TUBGCP3: variants seen among roughly 807,000 people sequenced by gnomAD.
TUBGCP3 encodes tubulin gamma complex component 3.
In TUBGCP3, 50 loss-of-function variants were observed where a neutral mutation model predicts 123.1. The ratio of observed to expected loss-of-function variants is 0.41; its 90% CI spans 0.32 to 0.51. TUBGCP3 has a LOEUF of 0.51. TUBGCP3 is among the 20% of genes least tolerant of loss of function. The pLI is 0.36. For synonymous variants in TUBGCP3, 405 were observed against 413.9 expected, an observed-to-expected ratio of 0.98 and a Z score of 0.26; for missense variants, 882 against 1,127.0, an observed-to-expected ratio of 0.78 and a Z score of 3.11.
At chr13:112,557,296 T>G (rs1236383580) in intron 5 of TUBGCP3, among the ~76,000 whole-genome samples, 1 of 152,242 alleles carries the variant, frequency 6.6e-6, no homozygotes, top group Non-Finnish European at 1.5e-5. Context: ...TTTTAAATGC[T>G]TTGCGTTTTC....
At chr13:112,494,064 A>T (rs977384364) in intron 20 of TUBGCP3, among the ~76,000 whole-genome samples, 1 of 149,616 alleles carries the variant, frequency 6.7e-6, no homozygotes, top group Admixed American at 6.6e-5. Context: ...TGTCCCTGAG[A>T]CACTCTAGCT....
intron 13 of TUBGCP3, among the ~76,000 whole-genome samples, chr13:112,523,140 G>A (rs1173315087): frequency 6.6e-6 from 1 of 152,164 alleles, no homozygotes; most frequent in Non-Finnish European, 1.5e-5. Flanking sequence ...CATCTGCAAA[G>A]CACAAAACCA....
the TUBGCP3 span, among the ~76,000 whole-genome samples, chr13:112,601,743 G>T: frequency 3.3e-5 from 5 of 152,044 alleles, no homozygotes; most frequent in African/African-American, 1.2e-4. Context: ...GCCTCTTTCC[G>T]GATTCATCTT....
At chr13:112,593,955 A>C in the TUBGCP3 span, among the ~76,000 whole-genome samples, 1 of 152,230 alleles carries the variant, frequency 6.6e-6, no homozygotes, top group African/African-American at 2.4e-5. Flanking sequence ...CAAATTCCTA[A>C]AGAGACATAA....
chr13:112,498,415 A>AT (rs1171149741), intron 20 of TUBGCP3, among the ~76,000 whole-genome samples: 1 of 152,186 alleles, frequency 6.6e-6, no homozygotes, highest in Non-Finnish European at 1.5e-5. Context: ...AATTTTATAT[A>AT]TTTTTTATAA....
chr13:112,543,855 T>C (rs1005907871), intron 11 of TUBGCP3, among the ~76,000 whole-genome samples: 2 of 151,954 alleles, frequency 1.3e-5, no homozygotes, highest in African/African-American at 4.8e-5. Flanking sequence ...GATTCACTCC[T>C]AAAAAGAAAA....
chr13:112,574,137 T>C (rs1035318074), intron 1 of TUBGCP3, among the ~76,000 whole-genome samples: 3 of 135,836 alleles, frequency 2.2e-5, no homozygotes, highest in African/African-American at 8.6e-5. Context: ...GTGGGCACTC[T>C]GAGCTCACAG....
rs376393787 is a variant in TUBGCP3, at chr13:112,578,537, C to A, written c.77-9278G>T. On this transcript the variant is annotated intron_variant, in intron 1 of 21. Coordinates refer to ENST00000261965, the MANE Select transcript of TUBGCP3 (RefSeq NM_006322.6). Reference sequence around the variant, plus strand: ...TAGCGCCACTGCAGTCCAGCTTGGGCGAAAGAGTGAGACTCCGTCTCAAAA... The same window carrying A: ...TAGCGCCACTGCAGTCCAGCTTGGGAGAAAGAGTGAGACTCCGTCTCAAAA... Among the ~76,000 whole-genome samples, 10 of 104,592 alleles carry A rather than the reference C, an allele frequency of 9.6e-5. 1 individual carries two copies. In the South Asian group the frequency reaches 3.3e-3, roughly 34 times the overall value. The allele number at this position is 104,592 out of a possible 152,430, so 68.6% of individuals were successfully genotyped here.
intron 1 of TUBGCP3, among the ~76,000 whole-genome samples, chr13:112,578,382 A>G (rs1303154916): frequency 2.0e-5 from 3 of 149,700 alleles, no homozygotes; most frequent in Non-Finnish European, 1.5e-5. Flanking sequence ...ACACGGTGAA[A>G]CCCCGTCTCT....
At chr13:112,542,265 G>T (rs1272619405) in intron 11 of TUBGCP3, among the ~76,000 whole-genome samples, 1 of 152,156 alleles carries the variant, frequency 6.6e-6, no homozygotes, top group African/African-American at 2.4e-5. Flanking sequence ...TTGGCTTATT[G>T]TGATAATGGT....
chr13:112,559,363 A>G lies in TUBGCP3; in HGVS notation c.289T>C (p.Leu97=). ...CGTGGGTCCTCACTGAGGCTCAGCA[A>G]GAGGTAGAGTATTGACCATTTATTT... is the stretch of plus-strand genomic sequence containing the variant. ...LKNKWSILYL[L]LSLSEDPRRQ... is the part of the protein sequence containing the mutation. The change falls in exon 4 of 22, where the codon TTG becomes CTG. Residue 97 remains leucine, a synonymous_variant. Transcript: ENST00000261965. 5.0e-6 allele frequency: 8 copies of G among 1,611,580 alleles called. No homozygotes were observed. The highest frequency in any genetic ancestry group is 2.5e-6 in the Non-Finnish European group (3 of 1,178,786).
chr13:112,527,041 T>C lies in TUBGCP3; in HGVS notation c.1456A>G (p.Ile486Val), dbSNP rs1209659823. 6.2e-7 allele frequency: 1 copy of C among 1,611,404 alleles called. No individual in the cohort carries two copies. The change falls in exon 13 of 22, where the codon ATA becomes GTA. Residue 486 changes from isoleucine to valine, a missense_variant. This residue lies in a region of TUBGCP3 where 713 missense variants were observed against 874.0 expected (regional missense o/e 0.82). Coordinates refer to ENST00000261965, the MANE Select transcript of TUBGCP3 (RefSeq NM_006322.6). ...TMDQSRKVLL[I>V]GKSINFLHQV... ...TGCAAGAAATTTATTGATTTTCCTA[T>C]CAAAAGGACCTAAAAAGAAAAACAT...
At chr13:112,601,689 G>A in the TUBGCP3 span, among the ~76,000 whole-genome samples, 1 of 152,208 alleles carries the variant, frequency 6.6e-6, no homozygotes, top group Admixed American at 6.5e-5. Context: ...CATGTGAGGT[G>A]AGCTCCGTGT....
intron 11 of TUBGCP3, among the ~76,000 whole-genome samples, chr13:112,527,936 TCA>T (rs942109181): frequency 1.8e-4 from 27 of 152,322 alleles, no homozygotes; most frequent in Non-Finnish European, 2.2e-4. Flanking sequence ...CGTCCTCTGT[TCA>T]CAGACAAGTC....
intron 20 of TUBGCP3, among the ~76,000 whole-genome samples, chr13:112,492,154 T>C (rs1055813099): frequency 1.3e-5 from 2 of 152,252 alleles, no homozygotes; most frequent in African/African-American, 2.4e-5. Flanking sequence ...ATAATAATTA[T>C]TGTCCTCCTT....
At chr13:112,558,842 T>G in intron 4 of TUBGCP3, among the ~76,000 whole-genome samples, 1 of 152,206 alleles carries the variant, frequency 6.6e-6, no homozygotes, top group East Asian at 1.9e-4. Flanking sequence ...CTCCCACGTC[T>G]CTGGTGAGTA....
rs1880316913 is a variant in TUBGCP3 at position 112,559,412 on chromosome 13, A to G, written c.253-13T>C. 6.3e-7 allele frequency: 1 copy of G among 1,589,574 alleles called. No homozygotes were observed. The highest frequency in any genetic ancestry group is 8.6e-7 in the Non-Finnish European group (1 of 1,162,684). ...TTTTCAAAACTCCCTGTTTGGAAAAAAGTTAATATTAAAAGAACGATTTTA... is the reference window on the plus strand; with the variant it reads ...TTTTCAAAACTCCCTGTTTGGAAAAGAGTTAATATTAAAAGAACGATTTTA... On this transcript the variant is annotated splice_polypyrimidine_tract_variant and intron_variant, in intron 3 of 21. Transcript: ENST00000261965.
At chr13:112,504,898 T>C (rs1003876908) in intron 17 of TUBGCP3, among the ~76,000 whole-genome samples, 184 bp from the exon 18 acceptor site, 1 of 152,128 alleles carries the variant, frequency 6.6e-6, no homozygotes, top group Non-Finnish European at 1.5e-5. Flanking sequence ...AACAAGAACT[T>C]AGCTATCTAA....
At chr13:112,492,595 A>G (rs1566527479) in intron 20 of TUBGCP3, among the ~76,000 whole-genome samples, 3 of 151,388 alleles carry the variant, frequency 2.0e-5, no homozygotes, top group South Asian at 2.1e-4. Context: ...CACCCTGGCT[A>G]TGGGAACGGG....
Sources: gnomAD v4.1 joint callset for allele counts (sites outside exome capture counted in the v4.1 genomes callset) on GRCh38, gnomAD v4.1.1 for gene constraint, gnomAD v4.1.1 regional missense constraint, MANE v1.5 for transcripts, NCBI Gene and HGNC (gene_info 2026-07-23, HGNC 2026-07-21) for gene names.